Variants in ST6GALNAC5 observed in about 807,000 individuals in gnomAD.
ST6GALNAC5 encodes ST6 N-acetylgalactosaminide alpha-2,6-sialyltransferase 5, also known as alpha-N-acetylgalactosaminide alpha-2,6-sialyltransferase 5.
In ST6GALNAC5, 27 loss-of-function variants were observed where a neutral mutation model predicts 33.6. That is an observed-to-expected ratio of 0.80 (90% confidence interval 0.59 to 1.11). The LOEUF (loss-of-function observed/expected upper bound fraction) is 1.11. Among genes scored for constraint, ST6GALNAC5 ranks in the 50% least tolerant of loss-of-function variants. ST6GALNAC5 has a pLI of 0.00. For missense variants in ST6GALNAC5, 428 were observed against 454.0 expected (o/e 0.94, Z 0.52); for synonymous variants, 194 against 171.2 (o/e 1.13, Z -1.04).
chr1:76,932,743 C>T (rs921981617), intron 2 of ST6GALNAC5, among the ~76,000 whole-genome samples: 1 of 152,092 alleles, frequency 6.6e-6, no homozygotes, highest in African/African-American at 2.4e-5. Flanking sequence ...TGCACACATG[C>T]AGACTTTGCT....
At chr1:76,924,308 A>C (rs1030449655) in intron 2 of ST6GALNAC5, among the ~76,000 whole-genome samples, 1 of 152,168 alleles carries the variant, frequency 6.6e-6, no homozygotes, top group African/African-American at 2.4e-5. Context: ...TCATGCTTCT[A>C]TTGGGAGGAG....
At chr1:77,041,328 T>C (rs1296932167) in intron 2 of ST6GALNAC5, among the ~76,000 whole-genome samples, 1 of 152,214 alleles carries the variant, frequency 6.6e-6, no homozygotes. Context: ...TCATGGTTTG[T>C]CTGGGGGCAC....
chr1:76,975,539 G>A (rs746623281), intron 2 of ST6GALNAC5, among the ~76,000 whole-genome samples: 8 of 152,138 alleles, frequency 5.3e-5, no homozygotes, highest in Non-Finnish European at 1.2e-4. Flanking sequence ...TACTTTAATA[G>A]GTGGATATAT....
intron 2 of ST6GALNAC5, among the ~76,000 whole-genome samples, chr1:76,998,264 G>A (rs959992956): frequency 1.3e-5 from 2 of 152,154 alleles, no homozygotes; most frequent in South Asian, 2.1e-4. Flanking sequence ...AGACATGATG[G>A]CATGCTCCTG....
intron 4 of ST6GALNAC5, among the ~76,000 whole-genome samples, chr1:77,061,359 G>A (rs540565163): frequency 2.6e-5 from 4 of 151,860 alleles, no homozygotes; most frequent in Admixed American, 1.3e-4. Context: ...CACCCCTCTT[G>A]ATAAAAGACT....
At chr1:77,040,236 C>T (rs1479455898) in intron 2 of ST6GALNAC5, among the ~76,000 whole-genome samples, 1 of 152,236 alleles carries the variant, frequency 6.6e-6, no homozygotes, top group African/African-American at 2.4e-5. Flanking sequence ...ATGCTCTTCT[C>T]AGCTGCTGGA....
intron 2 of ST6GALNAC5, among the ~76,000 whole-genome samples, chr1:76,959,915 T>C (rs1648158502): frequency 6.6e-6 from 1 of 152,120 alleles, no homozygotes; most frequent in African/African-American, 2.4e-5. Flanking sequence ...CAAAAGGGGT[T>C]ACAACAAAAG....
intron 2 of ST6GALNAC5, among the ~76,000 whole-genome samples, chr1:76,929,774 T>C (rs1272063195): frequency 3.3e-5 from 5 of 152,126 alleles, no homozygotes; most frequent in African/African-American, 9.7e-5. Context: ...AGATTGATTA[T>C]ATGTAGAAAT....
At chr1:76,972,611 T>C (rs1004088303) in intron 2 of ST6GALNAC5, among the ~76,000 whole-genome samples, 1 of 152,240 alleles carries the variant, frequency 6.6e-6, no homozygotes, top group Non-Finnish European at 1.5e-5. Flanking sequence ...TTTCTGATCC[T>C]GTGTTTTTAT....
intron 3 of ST6GALNAC5, among the ~76,000 whole-genome samples, chr1:77,045,434 G>C (rs1483116267): frequency 2.0e-5 from 3 of 152,184 alleles, no homozygotes; most frequent in Non-Finnish European, 4.4e-5. Context: ...GAAATTAGTG[G>C]TGATGGTTGC....
At chr1:76,943,205 A>G (rs765624521) in intron 2 of ST6GALNAC5, among the ~76,000 whole-genome samples, 6 of 152,074 alleles carry the variant, frequency 3.9e-5, no homozygotes, top group Non-Finnish European at 8.8e-5. Context: ...TATTATTCCC[A>G]TTTTACAAGT....
intron 3 of ST6GALNAC5, among the ~76,000 whole-genome samples, chr1:77,047,288 G>T (rs1652051171): frequency 6.6e-6 from 1 of 152,164 alleles, no homozygotes; most frequent in African/African-American, 2.4e-5. Context: ...CAAGCTAAAA[G>T]AAACAAGTCA....
chr1:76,928,878 C>T (rs533852061), intron 2 of ST6GALNAC5, among the ~76,000 whole-genome samples: 130 of 152,246 alleles, frequency 8.5e-4, no homozygotes, highest in African/African-American at 3.0e-3. Flanking sequence ...GGCCTGTCAT[C>T]TGCATTTCCT....
chr1:76,903,238 A>G (rs979461840), intron 2 of ST6GALNAC5, among the ~76,000 whole-genome samples: 3 of 152,184 alleles, frequency 2.0e-5, no homozygotes, highest in African/African-American at 7.2e-5. Context: ...ATCTCAATAG[A>G]CGTATCTCCA....
chr1:76,921,918 A>T (rs1337161613), intron 2 of ST6GALNAC5, among the ~76,000 whole-genome samples: 1 of 152,214 alleles, frequency 6.6e-6, no homozygotes, highest in Non-Finnish European at 1.5e-5. Context: ...CTAACAGGGT[A>T]AGACTGAATA....
At chr1:76,948,808 C>A (rs906035482) in intron 2 of ST6GALNAC5, among the ~76,000 whole-genome samples, 1 of 152,068 alleles carries the variant, frequency 6.6e-6, no homozygotes, top group Non-Finnish European at 1.5e-5. Flanking sequence ...TCTTTCTGAG[C>A]CACTCCTCAC....
rs1651951531 is a variant in ST6GALNAC5, at chr1:77,044,704, T to A, written c.671+91T>A. On this transcript the variant is annotated intron_variant, in intron 3 of 4. Transcript: ENST00000477717. ...CAAAGCAAAGCTTTTGCTACAGGCT[T>A]TTGTTGTGGGCTCCACTGCTCATGT... 10 of 1,455,804 alleles carry A rather than the reference T, an allele frequency of 6.9e-6. No individual in the cohort carries two copies. In the South Asian group the frequency reaches 1.1e-4, roughly 16 times the overall value. The allele number at this position is 1,455,804 out of a possible 1,614,324, so 90.2% of individuals were successfully genotyped here. A position where few individuals can be genotyped will look rare whatever the true frequency, so the allele number is the denominator to read the frequency against.
intron 2 of ST6GALNAC5, among the ~76,000 whole-genome samples, chr1:76,947,265 G>A (rs1388987849): frequency 9.2e-5 from 14 of 152,174 alleles, no homozygotes; most frequent in South Asian, 4.2e-4. Flanking sequence ...CAGAAAGCAC[G>A]TAGAAAATAA....
At chr1:77,013,750 C>T (rs1650725707) in intron 2 of ST6GALNAC5, among the ~76,000 whole-genome samples, 1 of 152,200 alleles carries the variant, frequency 6.6e-6, no homozygotes, top group African/African-American at 2.4e-5. Context: ...AAAGGATAAA[C>T]AATTAATGTC....
Sources: allele counts gnomAD v4.1 joint callset (sites outside exome capture counted in the v4.1 genomes callset), GRCh38; gene constraint gnomAD v4.1.1; transcripts MANE v1.5; gene names NCBI Gene and HGNC (gene_info 2026-07-23, HGNC 2026-07-21).